Variants in PHYKPL observed in about 807,000 individuals in gnomAD.
PHYKPL encodes 5-phosphonooxy-L-lysine phospho-lyase.
In PHYKPL, 42 loss-of-function variants were observed where a neutral mutation model predicts 51.3. That is an observed-to-expected ratio of 0.82 (90% CI 0.64 to 1.06). The LOEUF is 1.06. Ranked by LOEUF, PHYKPL falls within the 50% of genes least tolerant of loss-of-function variation. The probability of loss-of-function intolerance (pLI) is 0.00; values close to 1 mark genes in which losing one functional copy is unlikely to be tolerated. For missense variants in PHYKPL, 655 were observed against 586.6 expected, an observed-to-expected ratio of 1.12 and a Z score of -1.20; for synonymous variants, 264 against 236.0, an observed-to-expected ratio of 1.12 and a Z score of -1.09.
At chr5:178,232,398 G>A (rs905598822) in intron 1 of PHYKPL, 94 bp downstream of exon 1, 22 of 1,329,674 alleles carry the variant, frequency 1.7e-5, no homozygotes, top group African/African-American at 1.1e-4. Context: ...CCTAGCCGGA[G>A]GCGCGTGCGT....
intron 1 of PHYKPL, chr5:178,231,769 G>A (rs1454017874): frequency 6.1e-6 from 9 of 1,472,228 alleles, no homozygotes; most frequent in Admixed American, 2.1e-5. Flanking sequence ...CAGCCTCTGT[G>A]GCCTCCTTGC....
rs766608213 is a variant in PHYKPL, at chr5:178,224,572, G to T, written c.502-8C>A. ...GGTGTCTGGGAGAGGTGCCTGTGGG[G>T]AGTGACAGCGCCATGTTATCCGGGC... On this transcript the variant is annotated splice_polypyrimidine_tract_variant and splice_region_variant and intron_variant, in intron 5 of 12. Transcript: ENST00000308158. 1.2e-6 allele frequency: 2 copies of T among 1,614,030 alleles called. No individual in the cohort carries two copies. The highest frequency in any genetic ancestry group is 2.7e-5 in the African/African-American group (2 of 74,948).
rs1478191157 is a variant in PHYKPL at position 178,229,471 on chromosome 5, C to T, written c.338+469G>A. 2.0e-5 allele frequency among the ~76,000 whole-genome samples: 3 copies of T among 152,158 alleles called. No individual in the cohort carries two copies. In the East Asian group the frequency reaches 5.8e-4, roughly 29 times the overall value. On this transcript the variant is annotated intron_variant, in intron 3 of 12. Transcript: ENST00000308158. ...CCTCCTCTTCTAGTTATCTCCTAGT[C>T]AGCTCTGAGCTTAACAGCCCTTCCT... is the stretch of plus-strand genomic sequence containing the variant.
At chr5:178,214,587 A>C (rs1759358944) in intron 10 of PHYKPL, among the ~76,000 whole-genome samples, 3 of 152,090 alleles carry the variant, frequency 2.0e-5, no homozygotes, top group African/African-American at 7.2e-5. Flanking sequence ...TGGGTACAGA[A>C]CTGCTAACAC....
chr5:178,232,052 A>AGAT, intron 1 of PHYKPL: 4 of 1,163,732 alleles, frequency 3.4e-6, no homozygotes, highest in East Asian at 1.2e-4. Flanking sequence ...CTGTGAACCG[A>AGAT]CTCCCCCGAC....
intron 2 of PHYKPL, 117 bp from the exon 3 acceptor site, chr5:178,230,216 A>G: frequency 7.6e-7 from 1 of 1,313,230 alleles, no homozygotes. Flanking sequence ...AGGGAGAGGT[A>G]GAAAGAGGGC....
chr5:178,229,717 G>C, intron 3 of PHYKPL: 1 of 494,992 alleles, frequency 2.0e-6, no homozygotes. Context: ...CTCCAGCAAT[G>C]ATCCTAGAAA....
Position 178,211,887 on chromosome 5 carries a change from C to G in PHYKPL, c.*31+3G>C, listed in dbSNP as rs74398509. 1.1e-3 allele frequency: 1,733 copies of G among 1,610,308 alleles called. 18 individuals are homozygous for G. The African/African-American group carries it at 0.02, about 19-fold the overall frequency. On this transcript the variant is annotated splice_donor_region_variant and intron_variant, in intron 12 of 12. Transcript: ENST00000308158. ...TCAAGAGTAAGAAGCAAGGCCCACT[C>G]ACCTGGAGTACACTTAGGCAGAGCA...
At chr5:178,220,273 CG>C (rs1259481615) in intron 8 of PHYKPL, among the ~76,000 whole-genome samples, 1 of 149,620 alleles carries the variant, frequency 6.7e-6, no homozygotes, top group Non-Finnish European at 1.5e-5. Context: ...CTGAGGCGGG[CG>C]GATTACCTGA....
In PHYKPL at chr5:178,213,019, C is replaced by T. The variant is rs756811077; in HGVS notation, c.1257G>A (p.Leu419=). The T allele has an allele frequency of 1.5e-5, 24 of 1,614,200 alleles. No homozygotes were observed. Among genetic ancestry groups the T allele is most frequent in the Non-Finnish European group, 1.7e-5 (20 of 1,180,024 alleles). Residue 419 remains leucine, a synonymous_variant, in exon 11 of 13, where the codon CTG becomes CTA. Coordinates refer to ENST00000308158, the MANE Select transcript of PHYKPL (RefSeq NM_153373.4). ...LKFKPPMCFS[L]DNARQVVAKL... ...TTGCCACCACCTGCCGTGCATTGTC[C>T]AGGCTGAAGCACATTGGGGGCTTAA... is the stretch of plus-strand genomic sequence containing the variant.
intron 3 of PHYKPL, chr5:178,228,427 G>C (rs955680630): frequency 6.2e-6 from 4 of 650,270 alleles, no homozygotes; most frequent in Admixed American, 2.4e-5. Context: ...TGGCAACATG[G>C]AAGTCCCTGG....
Position 178,225,398 on chromosome 5 carries a change from C to T in PHYKPL, c.370G>A (p.Ala124Thr). 1.2e-6 allele frequency: 2 copies of T among 1,614,154 alleles called. No homozygotes were observed. Reference protein sequence around the residue: ...SEANDLALRLARHYTGHQDVV... With the variant: ...SEANDLALRLTRHYTGHQDVV... The stretch of plus-strand genomic sequence containing the variant: ...TCCTGGTGTCCCGTGTAGTGGCGAG[C>T]CAGCCTCAGGGCCAGGTCATTGGCT... Residue 124 changes from alanine (A) to threonine (T), a missense_variant, in exon 4 of 13, where the codon GCT becomes ACT. Physicochemically the swap from Ala to Thr is moderately conservative, Grantham distance 58. Coordinates refer to ENST00000308158, the MANE Select transcript of PHYKPL (RefSeq NM_153373.4).
In PHYKPL at chr5:178,222,591, G is replaced by A. The variant is rs772822232; in HGVS notation, c.702-11C>T. The A allele has an allele frequency of 2.2e-5, 35 of 1,612,002 alleles. No homozygotes were observed. In the Admixed American group the frequency reaches 4.0e-4, roughly 18 times the overall value. Reference sequence around the variant, plus strand: ...GCCTTGCGGATGTGCCTGTGGCAGAGGAGATGACTGACACGGGGGCTGTGG... The same window carrying A: ...GCCTTGCGGATGTGCCTGTGGCAGAAGAGATGACTGACACGGGGGCTGTGG... On this transcript the variant is annotated splice_polypyrimidine_tract_variant and intron_variant, in intron 7 of 12. Transcript: ENST00000308158.
Position 178,232,491 on chromosome 5 carries a change from C to A in PHYKPL, c.59+1G>T. The stretch of plus-strand genomic sequence containing the variant: ...CCGCCGCCCGCCCCCCGCCCGGGTA[C>A]CTGATGAGCCGTTGCCTCAGGGCCA... On this transcript the variant is annotated splice_donor_variant, in intron 1 of 12. Coordinates refer to ENST00000308158, the MANE Select transcript of PHYKPL (RefSeq NM_153373.4). LOFTEE classifies it high-confidence loss of function. The A allele has an allele frequency of 1.5e-6, 2 of 1,357,076 alleles. No homozygotes were observed. Among genetic ancestry groups the A allele is most frequent in the Non-Finnish European group, 1.9e-6 (2 of 1,063,744 alleles). 84.1% of individuals were successfully genotyped at this position (1,357,076 alleles called of 1,614,324 possible). A position where few individuals can be genotyped will look rare whatever the true frequency, so the allele number is the denominator to read the frequency against.
intron 12 of PHYKPL, 148 bp downstream of exon 12, chr5:178,211,742 C>T (rs958078292): frequency 1.5e-5 from 9 of 610,816 alleles, no homozygotes; most frequent in East Asian, 8.3e-5. Flanking sequence ...GGAGAATTTC[C>T]AGTGTTGAAG....
chr5:178,212,613 C>T (rs914975596), intron 11 of PHYKPL, among the ~76,000 whole-genome samples: 8 of 152,252 alleles, frequency 5.3e-5, no homozygotes, highest in Non-Finnish European at 1.2e-4. Context: ...CAGAATGAAA[C>T]TCCTGCCATC....
At chr5:178,231,739 A>C (rs1223885426) in intron 1 of PHYKPL, 2 of 1,520,296 alleles carry the variant, frequency 1.3e-6, no homozygotes, top group Non-Finnish European at 1.8e-6. Flanking sequence ...GAAACTTCGG[A>C]TTGTTTCTGA....
In PHYKPL at chr5:178,227,274, G is replaced by C. The variant is rs140156064; in HGVS notation, c.339-1845C>G. Among the ~76,000 whole-genome samples the C allele has an allele frequency of 1.3e-3, 193 of 152,226 alleles. 5 individuals are homozygous for C. In the East Asian group the frequency reaches 0.032, roughly 25 times the overall value. On this transcript the variant is annotated intron_variant, in intron 3 of 12. Coordinates refer to ENST00000308158, the MANE Select transcript of PHYKPL (RefSeq NM_153373.4). ...CACCTGCACTCAGAAGACCAACCAG[G>C]GCCATCTCCAAGCCAAGGAGAGAGG...
At chr5:178,223,873 C>T (rs1761718538) in intron 6 of PHYKPL, 1 of 202,404 alleles carries the variant, frequency 4.9e-6, no homozygotes, top group African/African-American at 2.4e-5. Context: ...CCACAGCTCA[C>T]TTGGGGCCTG....
Sources: gnomAD v4.1 joint callset for allele counts (sites outside exome capture counted in the v4.1 genomes callset) on GRCh38, gnomAD v4.1.1 for gene constraint, MANE v1.5 for transcripts, NCBI Gene and HGNC (gene_info 2026-07-23, HGNC 2026-07-21) for gene names.